Variants in ATP9B observed in about 807,000 individuals in gnomAD.
ATP9B encodes ATPase phospholipid transporting 9B, also known as probable phospholipid-transporting ATPase IIB.
In ATP9B, 110 loss-of-function variants were observed where a neutral mutation model predicts 146.1. That is an observed-to-expected ratio of 0.75 (90% CI 0.65 to 0.88). The LOEUF is 0.88. ATP9B is among the 40% of genes least tolerant of loss of function. The probability of loss-of-function intolerance (pLI) is 0.00; values close to 1 mark genes in which losing one functional copy is unlikely to be tolerated. For missense variants in ATP9B, 1,499 were observed against 1,496.4 expected, an observed-to-expected ratio of 1.00 and a Z score of -0.03; for synonymous variants, 604 against 569.7, an observed-to-expected ratio of 1.06 and a Z score of -0.86.
chr18:79,183,577 T>C (rs2095273710), intron 8 of ATP9B, among the ~76,000 whole-genome samples: 2 of 152,146 alleles, frequency 1.3e-5, no homozygotes, highest in Admixed American at 1.3e-4. Flanking sequence ...ATACTTCGTT[T>C]ATAGTTTCTG....
At chr18:79,224,361 G>A (rs905102746) in intron 11 of ATP9B, among the ~76,000 whole-genome samples, 4 of 152,144 alleles carry the variant, frequency 2.6e-5, no homozygotes, top group African/African-American at 4.8e-5. Flanking sequence ...GGAATGTCTC[G>A]TGAGACTGAG....
At chr18:79,333,391 C>A (rs878915297) in intron 17 of ATP9B, among the ~76,000 whole-genome samples, 1 of 152,214 alleles carries the variant, frequency 6.6e-6, no homozygotes, top group Admixed American at 6.5e-5. Context: ...TGCAGATTCT[C>A]AGTGTTCAGC....
At chr18:79,075,887 A>G (rs1283908203) in intron 1 of ATP9B, among the ~76,000 whole-genome samples, 3 of 151,912 alleles carry the variant, frequency 2.0e-5, no homozygotes, top group African/African-American at 7.3e-5. Context: ...ATTTTTTAGA[A>G]TTCCAGTTTG....
chr18:79,207,502 G>T (rs13381810), intron 10 of ATP9B, among the ~76,000 whole-genome samples: 57,193 of 151,998 alleles, frequency 0.38, 11,673 homozygotes, highest in African/African-American at 0.54. Context: ...TATCAGGTAT[G>T]AGTTGACATT....
intron 20 of ATP9B, 140 bp from the exon 21 acceptor site, chr18:79,344,125 G>A (rs968347347): frequency 5.3e-6 from 4 of 761,896 alleles, no homozygotes; most frequent in Admixed American, 2.3e-5. Flanking sequence ...CTTCTTCCGG[G>A]TCCAAATACT....
rs977552303 is a variant in ATP9B at position 79,337,159 on chromosome 18, G to A, written c.2113-120G>A. 4.0e-5 allele frequency: 52 copies of A among 1,298,422 alleles called. 1 individual carries two copies. The African/African-American group carries it at 4.8e-4, about 12-fold the overall frequency. The allele number at this position is 1,298,422 out of a possible 1,614,324, so 80.4% of individuals were successfully genotyped here. ...GCTCTGTGGAGTACACACACAGCAC[G>A]TACACGTGTGCACATAGTCACCTCC... On this transcript the variant is annotated intron_variant, in intron 18 of 29. Coordinates refer to ENST00000426216, the MANE Select transcript of ATP9B (RefSeq NM_198531.5).
At chr18:79,372,609 A>C in intron 26 of ATP9B, 1 of 664,474 alleles carries the variant, frequency 1.5e-6, no homozygotes, top group Non-Finnish European at 2.8e-6. Context: ...GTCTAACCTC[A>C]GGCACCAGTG....
At chr18:79,242,401 G>T (rs116194509) in intron 11 of ATP9B, among the ~76,000 whole-genome samples, 17 of 152,162 alleles carry the variant, frequency 1.1e-4, no homozygotes, top group African/African-American at 4.1e-4. Context: ...AACCGCAAAC[G>T]AGAAAGATGT....
intron 2 of ATP9B, among the ~76,000 whole-genome samples, chr18:79,100,558 C>A (rs1043240609): frequency 1.3e-5 from 2 of 152,028 alleles, no homozygotes; most frequent in African/African-American, 4.8e-5. Context: ...TTAATGTTTG[C>A]ATGGTATATA....
chr18:79,134,803 A>C (rs1351255992), intron 5 of ATP9B, among the ~76,000 whole-genome samples: 1 of 152,190 alleles, frequency 6.6e-6, no homozygotes, highest in Non-Finnish European at 1.5e-5. Flanking sequence ...ATTTTTAAAA[A>C]ATCATTTTTC....
intron 6 of ATP9B, chr18:79,146,693 C>T: frequency 4.7e-6 from 1 of 214,844 alleles, no homozygotes; most frequent in Non-Finnish European, 9.5e-6. Flanking sequence ...CTGTCTCATC[C>T]CTGACCACGT....
At chr18:79,118,397 T>TTG (rs1568213504) in intron 4 of ATP9B, among the ~76,000 whole-genome samples, 5 of 123,828 alleles carry the variant, frequency 4.0e-5, no homozygotes, top group Admixed American at 8.6e-5. Flanking sequence ...TTTGTTTTTT[T>TTG]TTTTTTTTTT....
chr18:79,294,715 G>T (rs1376152614), intron 13 of ATP9B, among the ~76,000 whole-genome samples: 12 of 152,144 alleles, frequency 7.9e-5, no homozygotes, highest in Admixed American at 7.9e-4. Flanking sequence ...TGGCTGTCTG[G>T]TGTGCTAATA....
chr18:79,181,580 T>C (rs1469381420), intron 8 of ATP9B, among the ~76,000 whole-genome samples: 6 of 152,106 alleles, frequency 3.9e-5, no homozygotes, highest in Non-Finnish European at 8.8e-5. Context: ...TGATGCTCTC[T>C]TACTCTTCTT....
chr18:79,119,885 C>G (rs2094158570), intron 4 of ATP9B, among the ~76,000 whole-genome samples: 2 of 152,098 alleles, frequency 1.3e-5, no homozygotes, highest in South Asian at 4.2e-4. Flanking sequence ...GAGAAGCAAG[C>G]TTAGGAGAGC....
In ATP9B at chr18:79,377,656, G is replaced by T. The variant is rs535381704; in HGVS notation, c.*273G>T. The T allele has an allele frequency of 2.1e-6, 1 of 483,580 alleles. No homozygotes were observed. The highest frequency in any genetic ancestry group is 2.4e-5 in the South Asian group (1 of 41,546). 30.0% of individuals were successfully genotyped at this position (483,580 alleles called of 1,614,324 possible). A position where few individuals can be genotyped will look rare whatever the true frequency, so the allele number is the denominator to read the frequency against. ...TTCACCCCTGCCAGGCAAGCCCAGGGCATAGATGCTGAGACAGCCTCTCCC... is the reference window on the plus strand; with the variant it reads ...TTCACCCCTGCCAGGCAAGCCCAGGTCATAGATGCTGAGACAGCCTCTCCC... On this transcript the variant is annotated 3_prime_UTR_variant, in exon 30 of 30. Coordinates refer to ENST00000426216, the MANE Select transcript of ATP9B (RefSeq NM_198531.5).
intron 6 of ATP9B, among the ~76,000 whole-genome samples, chr18:79,153,088 G>T (rs2094716635): frequency 6.6e-6 from 1 of 152,096 alleles, no homozygotes; most frequent in Non-Finnish European, 1.5e-5. Context: ...GAAAGAAATA[G>T]CTCTATCCAA....
intron 1 of ATP9B, among the ~76,000 whole-genome samples, chr18:79,086,751 T>G (rs1211005629): frequency 6.6e-6 from 1 of 152,214 alleles, no homozygotes; most frequent in Non-Finnish European, 1.5e-5. Context: ...TCAGTTTTCT[T>G]GTAGAACATT....
intron 19 of ATP9B, 113 bp from the exon 20 acceptor site, chr18:79,342,155 A>G (rs1256823786): frequency 4.1e-6 from 3 of 732,188 alleles, no homozygotes; most frequent in Admixed American, 1.9e-5. Flanking sequence ...TCATTTATCT[A>G]TTGACGGGCA....
Sources: allele counts gnomAD v4.1 joint callset (sites outside exome capture counted in the v4.1 genomes callset), GRCh38; gene constraint gnomAD v4.1.1; transcripts MANE v1.5; gene names NCBI Gene and HGNC (gene_info 2026-07-23, HGNC 2026-07-21).